The following LGR6 variants were observed in gnomAD, a reference collection of about 807,000 sequenced individuals.
LGR6 encodes the protein leucine-rich repeat-containing G protein-coupled receptor 6.
In LGR6, 45 loss-of-function variants were observed where a neutral mutation model predicts 69.4. The observed-to-expected ratio is 0.65, with a 90% CI of 0.51 to 0.83. The LOEUF (loss-of-function observed/expected upper bound fraction) is 0.83. LGR6 is among the 40% of genes least tolerant of loss of function. The pLI is 0.00. For missense variants in LGR6, 1,108 were observed against 1,246.7 expected (o/e 0.89, Z 1.68); for synonymous variants, 538 against 555.0 (o/e 0.97, Z 0.43).
At chr1:202,249,735 C>T (rs1663069582) in intron 4 of LGR6, among the ~76,000 whole-genome samples, 3 of 152,300 alleles carry the variant, frequency 2.0e-5, no homozygotes, top group South Asian at 4.1e-4. Context: ...GACTGTACAT[C>T]CTGTTCGCTC....
rs375066995 is a variant in LGR6, at chr1:202,268,456, CTTT to C, written c.429-7839_429-7837del. Among the ~76,000 whole-genome samples the C allele has an allele frequency of 6.9e-6, 1 of 145,388 alleles. No homozygotes were observed. Among genetic ancestry groups the C allele is most frequent in the Admixed American group, 6.9e-5 (1 of 14,492 alleles). The stretch of plus-strand genomic sequence containing the variant: ...AGAATAACCATTTCCATAGTGGCTG[CTTT>C]TTTTTTTTTTAACTTTTAATATCCT... On this transcript the variant is annotated intron_variant, in intron 4 of 17. Transcript: ENST00000367278. The surrounding 1 kb of genome is among the most constrained non-coding windows in gnomAD (Gnocchi z 4.4).
At position 202,268,559 on chromosome 1, in the gene LGR6, T is replaced by C. The variant is rs1664857363; in HGVS notation, c.429-7747T>C. Among the ~76,000 whole-genome samples the C allele has an allele frequency of 6.6e-6, 1 of 152,118 alleles. No individual in the cohort carries two copies. Among genetic ancestry groups the C allele is most frequent in the Non-Finnish European group, 1.5e-5 (1 of 68,010 alleles). On this transcript the variant is annotated intron_variant, in intron 4 of 17. Coordinates refer to ENST00000367278, the MANE Select transcript of LGR6 (RefSeq NM_001017403.2). The surrounding 1 kb of genome is among the most constrained non-coding windows in gnomAD (Gnocchi z 4.4). ...CCTCCCCACCCACATCTTTTCTCTA[T>C]TCTCTCCCTTCCTGTGTTCAACTGA...
intron 14 of LGR6, among the ~76,000 whole-genome samples, chr1:202,308,391 G>A (rs1244687328): frequency 6.6e-6 from 1 of 152,194 alleles, no homozygotes; most frequent in Non-Finnish European, 1.5e-5. Flanking sequence ...GTTGGTGACA[G>A]TGCCAGGTTT....
At position 202,268,980 on chromosome 1, in the gene LGR6, A is replaced by G. The variant is rs1033815448; in HGVS notation, c.429-7326A>G. Reference sequence around the variant, plus strand: ...GAGTGAAGTGGTGTGAACACAGCTCACTGCAGCCTCGACTTCTGGGATCAA... The same window carrying G: ...GAGTGAAGTGGTGTGAACACAGCTCGCTGCAGCCTCGACTTCTGGGATCAA... On this transcript the variant is annotated intron_variant, in intron 4 of 17. Transcript: ENST00000367278. The surrounding 1 kb of genome is among the most constrained non-coding windows in gnomAD (Gnocchi z 4.4). Among the ~76,000 whole-genome samples the G allele has an allele frequency of 2.0e-4, 30 of 152,252 alleles. No homozygotes were observed. Among genetic ancestry groups the G allele is most frequent in the Admixed American group, 1.9e-3 (29 of 15,296 alleles).
chr1:202,225,011 TA>T (rs1303251828), intron 1 of LGR6, among the ~76,000 whole-genome samples: 1 of 152,162 alleles, frequency 6.6e-6, no homozygotes, highest in Non-Finnish European at 1.5e-5. Context: ...TCCCCACTAG[TA>T]AAAAGAGTGG....
At chr1:202,251,029 C>T (rs186924510) in intron 4 of LGR6, among the ~76,000 whole-genome samples, 2 of 152,240 alleles carry the variant, frequency 1.3e-5, no homozygotes, top group Admixed American at 6.5e-5. Flanking sequence ...TCTCTGCTGT[C>T]GTGTTTCGGG....
chr1:202,223,302 C>T (rs988735923), intron 1 of LGR6, among the ~76,000 whole-genome samples: 11 of 152,200 alleles, frequency 7.2e-5, no homozygotes, highest in Admixed American at 2.6e-4. Flanking sequence ...CTACCCTGCA[C>T]GGAATGTCTT....
intron 6 of LGR6, among the ~76,000 whole-genome samples, chr1:202,293,526 T>A (rs1666942804): frequency 6.6e-6 from 1 of 152,104 alleles, no homozygotes; most frequent in Non-Finnish European, 1.5e-5. Context: ...AACCCATCTC[T>A]CTACCTTCCA....
At chr1:202,243,706 C>T (rs1662398949) in intron 4 of LGR6, among the ~76,000 whole-genome samples, 1 of 152,104 alleles carries the variant, frequency 6.6e-6, no homozygotes, top group Non-Finnish European at 1.5e-5. Context: ...CCTTACCACT[C>T]ACAGCCTCCC....
intron 11 of LGR6, 81 bp from the exon 12 acceptor site, chr1:202,305,603 C>T: frequency 8.2e-7 from 1 of 1,226,962 alleles, no homozygotes; most frequent in Non-Finnish European, 1.2e-6. Flanking sequence ...AAAGCACAGT[C>T]CTGGCTAGAG....
At chr1:202,222,232 C>G (rs1378399002) in intron 1 of LGR6, among the ~76,000 whole-genome samples, 1 of 152,222 alleles carries the variant, frequency 6.6e-6, no homozygotes, top group Non-Finnish European at 1.5e-5. Context: ...GAATGGGGCT[C>G]CCTCCACCCC....
At chr1:202,245,141 A>G (rs1246500036) in intron 4 of LGR6, among the ~76,000 whole-genome samples, 1 of 152,186 alleles carries the variant, frequency 6.6e-6, no homozygotes, top group Non-Finnish European at 1.5e-5. Context: ...GCTGTGCTGT[A>G]GGGCCCAGCC....
intron 4 of LGR6, among the ~76,000 whole-genome samples, chr1:202,256,876 CTTG>C: frequency 6.6e-6 from 1 of 152,284 alleles, no homozygotes; most frequent in Middle Eastern, 3.4e-3. Flanking sequence ...CTTGCCAACA[CTTG>C]TTATGTCTTT....
In LGR6 at chr1:202,193,983, C is replaced by G; in HGVS notation, c.-7C>G. 2 of 1,365,552 alleles carry G rather than the reference C, an allele frequency of 1.5e-6. No homozygotes were observed. The highest frequency in any genetic ancestry group is 9.4e-7 in the Non-Finnish European group (1 of 1,060,532). 84.6% of individuals were successfully genotyped at this position (1,365,552 alleles called of 1,614,324 possible). On this transcript the variant is annotated 5_prime_UTR_variant, in exon 1 of 18. Transcript: ENST00000367278. ...CCGCCAGGTGCCCCAGTAGCCCGAC[C>G]GCCGAGATGCCCAGCCCGCCGGGGC...
chr1:202,245,417 G>A (rs1021787649), intron 4 of LGR6, among the ~76,000 whole-genome samples: 5 of 152,148 alleles, frequency 3.3e-5, no homozygotes, highest in South Asian at 2.1e-4. Context: ...GGGATCAGGG[G>A]TGATTCTTTC....
intron 1 of LGR6, among the ~76,000 whole-genome samples, chr1:202,216,890 G>A (rs1047569162): frequency 6.6e-6 from 1 of 152,206 alleles, no homozygotes; most frequent in Admixed American, 6.5e-5. Flanking sequence ...TCCTGGCTCT[G>A]GGCACAGGCA....
At chr1:202,229,057 A>T (rs1209342151) in intron 3 of LGR6, among the ~76,000 whole-genome samples, 3 of 152,144 alleles carry the variant, frequency 2.0e-5, no homozygotes, top group Admixed American at 2.0e-4. Flanking sequence ...GATATCTTTT[A>T]AAAATGTACT....
intron 4 of LGR6, among the ~76,000 whole-genome samples, chr1:202,260,973 T>A (rs1008779760): frequency 6.6e-6 from 1 of 152,136 alleles, no homozygotes. Flanking sequence ...TCCTTACAAC[T>A]GAAATGTTTG....
intron 16 of LGR6, among the ~76,000 whole-genome samples, chr1:202,314,360 G>A (rs1048160662): frequency 5.3e-5 from 8 of 152,138 alleles, no homozygotes; most frequent in East Asian, 1.9e-4. Context: ...ACTCGTTCAC[G>A]TCTAAACACA....
Sources: allele counts gnomAD v4.1 joint callset (sites outside exome capture counted in the v4.1 genomes callset), GRCh38; gene constraint gnomAD v4.1.1; non-coding constraint Gnocchi (gnomAD v3.1); transcripts MANE v1.5; gene names NCBI Gene and HGNC (gene_info 2026-07-23, HGNC 2026-07-21).